The following KCNT1 variants were observed in gnomAD, a reference collection of about 807,000 sequenced individuals.
KCNT1 encodes the protein potassium sodium-activated channel subfamily T member 1.
A neutral mutation model predicts 147.8 loss-of-function variants in KCNT1; 78 were observed. The observed-to-expected ratio is 0.53, with a 90% confidence interval of 0.44 to 0.64. KCNT1 has a LOEUF of 0.64. KCNT1 is among the 30% of genes least tolerant of loss of function. The pLI is 0.00. For synonymous variants in KCNT1, 867 were observed against 748.8 expected (o/e 1.16, Z -2.58); for missense variants, 1,419 against 1,750.3 (o/e 0.81, Z 3.38).
intron 2 of KCNT1, among the ~76,000 whole-genome samples, chr9:135,737,849 C>G (rs1267942084): frequency 6.6e-6 from 1 of 152,206 alleles, no homozygotes; most frequent in African/African-American, 2.4e-5. Context: ...AGCTTAGTCC[C>G]ATTTGCAGAA....
Position 135,786,432 on chromosome 9 carries a change from T to C in KCNT1, c.3413T>C (p.Leu1138Pro). 6.3e-7 allele frequency: 1 copy of C among 1,594,210 alleles called. No homozygotes were observed. Among genetic ancestry groups the C allele is most frequent in the Non-Finnish European group, 8.5e-7 (1 of 1,171,470 alleles). The part of the protein sequence containing the change: ...AAAEWISQQR[L>P]SLYRRSERQE... ...GCGGAGTGGATCAGCCAGCAGCGCC[T>C]CAGCCTGTACCGGCGCTCTGAGCGC... is the stretch of plus-strand genomic sequence containing the variant. Residue 1138 changes from leucine (L) to proline (P), a missense_variant, in exon 29 of 31, where the codon CTC (leucine) becomes CCC (proline). Around this residue, in one of 5 missense-constraint regions of KCNT1, gnomAD observed 306 missense variants for 294.2 expected, o/e 1.04. Coordinates refer to ENST00000371757, the MANE Select transcript of KCNT1 (RefSeq NM_020822.3).
intron 1 of KCNT1, among the ~76,000 whole-genome samples, chr9:135,709,999 T>G (rs1835423100): frequency 6.6e-6 from 1 of 152,230 alleles, no homozygotes; most frequent in Non-Finnish European, 1.5e-5. Flanking sequence ...TGCCAGATTG[T>G]TTTCCTTTCC....
At chr9:135,736,361 C>A (rs1196334807) in intron 2 of KCNT1, among the ~76,000 whole-genome samples, 1 of 152,124 alleles carries the variant, frequency 6.6e-6, no homozygotes, top group Non-Finnish European at 1.5e-5. Context: ...CTCCTCCCCT[C>A]CCCCCGTGCG....
At chr9:135,711,970 G>T (rs1274417448) in intron 1 of KCNT1, among the ~76,000 whole-genome samples, 2 of 152,216 alleles carry the variant, frequency 1.3e-5, no homozygotes, top group African/African-American at 2.4e-5. Context: ...CTCCCTTCAC[G>T]CATGAGCATA....
At chr9:135,704,562 A>C (rs1308014929) in intron 1 of KCNT1, among the ~76,000 whole-genome samples, 1 of 152,156 alleles carries the variant, frequency 6.6e-6, no homozygotes, top group East Asian at 1.9e-4. Context: ...GTTGTAGGAC[A>C]GGGAGGGACC....
intron 1 of KCNT1, among the ~76,000 whole-genome samples, chr9:135,711,020 G>A (rs1210042079): frequency 1.3e-5 from 2 of 152,142 alleles, no homozygotes; most frequent in African/African-American, 4.8e-5. Flanking sequence ...CTCCTGGGTT[G>A]GCCGCCATAC....
chr9:135,752,649 G>A lies in KCNT1; in HGVS notation c.435-1288G>A, dbSNP rs974273605. Reference sequence around the variant, plus strand: ...ATGATGGATGGATGGACGGACGGACGGATGGACGGATGGATGGAGTGGATG... The same window carrying A: ...ATGATGGATGGATGGACGGACGGACAGATGGACGGATGGATGGAGTGGATG... On this transcript the variant is annotated intron_variant, in intron 4 of 30. Coordinates refer to ENST00000371757, the MANE Select transcript of KCNT1 (RefSeq NM_020822.3). This position sits in a 1 kb window ranked among gnomAD's most constrained non-coding sequence, Gnocchi z 5.1. Among the ~76,000 whole-genome samples, 2 of 143,230 alleles carry A rather than the reference G, an allele frequency of 1.4e-5. No homozygotes were observed. Among genetic ancestry groups the A allele is most frequent in the African/African-American group, 3.0e-5 (1 of 33,742 alleles). 94.0% of individuals were successfully genotyped at this position (143,230 alleles called of 152,430 possible). A position where few individuals can be genotyped will look rare whatever the true frequency, so the allele number is the denominator to read the frequency against.
chr9:135,711,200 A>C (rs77451739), intron 1 of KCNT1, among the ~76,000 whole-genome samples: 1 of 152,194 alleles, frequency 6.6e-6, no homozygotes, highest in African/African-American at 2.4e-5. Flanking sequence ...GCAGCCTCAC[A>C]TTCCCAACTG....
chr9:135,751,524 G>T (rs1481343725), intron 4 of KCNT1, among the ~76,000 whole-genome samples: 1 of 152,174 alleles, frequency 6.6e-6, no homozygotes, highest in Non-Finnish European at 1.5e-5. Context: ...TCTGGGAGAG[G>T]TGCTGGGGGC....
At chr9:135,780,317 G>GCTGCTGGGAC (rs1156574556) in intron 24 of KCNT1, among the ~76,000 whole-genome samples, 2 of 152,214 alleles carry the variant, frequency 1.3e-5, no homozygotes, top group African/African-American at 4.8e-5. Context: ...TCATCGGCGA[G>GCTGCTGGGAC]CTGCTGGGAC....
intron 11 of KCNT1, among the ~76,000 whole-genome samples, chr9:135,760,252 C>T (rs1447308753): frequency 6.6e-6 from 1 of 152,228 alleles, no homozygotes; most frequent in Non-Finnish European, 1.5e-5. Flanking sequence ...CCCCCCCGGC[C>T]ACCCCAGTGG....
At chr9:135,739,995 G>T (rs968713989) in intron 2 of KCNT1, among the ~76,000 whole-genome samples, 1 of 152,002 alleles carries the variant, frequency 6.6e-6, no homozygotes, top group Admixed American at 6.5e-5. Flanking sequence ...GGCAGGGCTG[G>T]TTCCTCCTGA....
rs775405263 is a variant in KCNT1 at position 135,777,465 on chromosome 9, G to C, written c.2477G>C (p.Arg826Thr). 1 of 1,614,046 alleles carries C rather than the reference G, an allele frequency of 6.2e-7. No individual in the cohort carries two copies. The highest frequency in any genetic ancestry group is 1.1e-5 in the South Asian group (1 of 91,088). Residue 826 changes from arginine to threonine, a missense_variant, in exon 21 of 31, where the codon AGA becomes ACA. Around this residue, in one of 5 missense-constraint regions of KCNT1, gnomAD observed 247 missense variants for 397.1 expected, o/e 0.62. Coordinates refer to ENST00000371757, the MANE Select transcript of KCNT1 (RefSeq NM_020822.3). Reference sequence around the variant, plus strand: ...ATCGTGCCACTGCGGGCCTACTACAGATCCCGCAAGGAGCTGAACCCCATC... The same window carrying C: ...ATCGTGCCACTGCGGGCCTACTACACATCCCGCAAGGAGCTGAACCCCATC... ...NFIVPLRAYY[R>T]SRKELNPIVL...
intron 11 of KCNT1, among the ~76,000 whole-genome samples, chr9:135,764,429 C>T (rs1316851852): frequency 6.6e-6 from 1 of 152,198 alleles, no homozygotes; most frequent in Non-Finnish European, 1.5e-5. Context: ...CACGGCACTC[C>T]AGCCTGGGTG....
chr9:135,720,996 G>A (rs996901093), intron 2 of KCNT1, among the ~76,000 whole-genome samples: 42 of 152,348 alleles, frequency 2.8e-4, no homozygotes, highest in African/African-American at 9.4e-4. Flanking sequence ...GGGCACGAGG[G>A]ACACACGGCC....
intron 28 of KCNT1, chr9:135,785,799 G>T (rs902493563): frequency 1.2e-4 from 49 of 415,932 alleles, no homozygotes; most frequent in African/African-American, 8.6e-4. Flanking sequence ...GGGCTCATCT[G>T]CAGATGGAGA....
intron 2 of KCNT1, among the ~76,000 whole-genome samples, chr9:135,735,098 C>T (rs1830280942): frequency 6.6e-6 from 1 of 152,202 alleles, no homozygotes; most frequent in Non-Finnish European, 1.5e-5. Context: ...CAGGGGCTGG[C>T]AGAGGGTACT....
Position 135,772,861 on chromosome 9 carries a change from A to T in KCNT1, c.2155A>T (p.Ser719Cys). 6.4e-7 allele frequency: 1 copy of T among 1,551,116 alleles called. No individual in the cohort carries two copies. Among genetic ancestry groups the T allele is most frequent in the South Asian group, 1.2e-5 (1 of 84,076 alleles). The change falls in exon 19 of 31, where the codon AGC (serine) becomes TGC (cysteine). Residue 719 changes from serine to cysteine, a missense_variant. This residue lies in a region of KCNT1 where 284 missense variants were observed against 292.8 expected (regional missense o/e 0.97). Coordinates refer to ENST00000371757, the MANE Select transcript of KCNT1 (RefSeq NM_020822.3). The stretch of plus-strand genomic sequence containing the variant: ...CGCGCCCGTCCTGGAACTGGCCGAC[A>T]GCTCAGCCCTGCTGCCCTGCGACCT... The part of the protein sequence containing the change: ...SIAPVLELAD[S>C]SALLPCDLLS...
chr9:135,757,191 C>T lies in KCNT1; in HGVS notation c.636C>T (p.Phe212=), dbSNP rs769137731. ...NIWEQIFRVS[F]VLEMINTLPF... ...GGGAGCAGATCTTCCGCGTGTCCTT[C>T]GTCCTGGAGATGATCAACACTCTGC... Residue 212 remains phenylalanine (F), a synonymous_variant, in exon 8 of 31, where the codon TTC becomes TTT. Transcript: ENST00000371757. The T allele has an allele frequency of 1.3e-5, 21 of 1,600,866 alleles. No homozygotes were observed. Among genetic ancestry groups the T allele is most frequent in the Non-Finnish European group, 1.6e-5 (19 of 1,174,254 alleles).
Sources: allele counts gnomAD v4.1 joint callset (sites outside exome capture counted in the v4.1 genomes callset), GRCh38; gene constraint gnomAD v4.1.1; regional missense constraint gnomAD v4.1.1; non-coding constraint Gnocchi (gnomAD v3.1); transcripts MANE v1.5; gene names NCBI Gene and HGNC (gene_info 2026-07-23, HGNC 2026-07-21).